SPICE1: variants seen among roughly 807,000 people sequenced by gnomAD.
SPICE1 encodes spindle and centriole-associated protein 1.
SPICE1 carries 75 observed loss-of-function variants against 102.7 expected under a neutral mutation model. The ratio of observed to expected loss-of-function variants is 0.73; its 90% CI spans 0.61 to 0.88. The LOEUF is 0.88. Ranked by LOEUF, SPICE1 falls within the 40% of genes least tolerant of loss-of-function variation. The pLI, the probability that SPICE1 is intolerant of heterozygous loss-of-function variation, is 0.00. For missense variants in SPICE1, 979 were observed against 1,020.1 expected (o/e 0.96, Z 0.55); for synonymous variants, 308 against 350.3 (o/e 0.88, Z 1.35).
intron 7 of SPICE1, among the ~76,000 whole-genome samples, chr3:113,484,776 C>T (rs558790546): frequency 1.3e-5 from 2 of 152,174 alleles, no homozygotes; most frequent in Admixed American, 6.5e-5. Context: ...TTTGCATTTG[C>T]TGAGGAGTGT....
chr3:113,445,563 C>T (rs1935493198), intron 17 of SPICE1, among the ~76,000 whole-genome samples: 1 of 152,174 alleles, frequency 6.6e-6, no homozygotes, highest in Non-Finnish European at 1.5e-5. Flanking sequence ...AACAGATCCT[C>T]TTACTGATTT....
intron 11 of SPICE1, among the ~76,000 whole-genome samples, chr3:113,463,929 G>A (rs1168771265): frequency 3.3e-5 from 5 of 152,246 alleles, no homozygotes; most frequent in East Asian, 1.9e-4. Flanking sequence ...TTAGCCAGGC[G>A]TAGTGGCAGG....
At position 113,488,986 on chromosome 3, in the gene SPICE1, C is replaced by T. The variant is rs1211235713; in HGVS notation, c.570G>A (p.Leu190=). The change falls in exon 7 of 18, where the codon TTG becomes TTA. Residue 190 remains leucine, a synonymous_variant. Coordinates refer to ENST00000295872, the MANE Select transcript of SPICE1 (RefSeq NM_144718.4). ...QSGESENENE[L]DNSLNSQSNT... is the part of the protein sequence containing the mutation. ...TAGACTGAGAGTTTAGAGAGTTATC[C>T]AACTCATTCTCATTCTCACTTTCTC... 1 of 1,613,060 alleles carries T rather than the reference C, an allele frequency of 6.2e-7. No homozygotes were observed. Among genetic ancestry groups the T allele is most frequent in the East Asian group, 2.2e-5 (1 of 44,846 alleles).
intron 13 of SPICE1, among the ~76,000 whole-genome samples, chr3:113,454,269 T>A (rs148838138): frequency 3.9e-5 from 6 of 152,246 alleles, no homozygotes; most frequent in African/African-American, 4.8e-5. Flanking sequence ...AGTACCCAAT[T>A]TAAACAGCAG....
At chr3:113,454,750 A>G (rs1446143202) in intron 13 of SPICE1, among the ~76,000 whole-genome samples, 1 of 152,078 alleles carries the variant, frequency 6.6e-6, no homozygotes, top group Non-Finnish European at 1.5e-5. Flanking sequence ...CATTTGTGTC[A>G]GAGCGCAAGT....
At chr3:113,485,570 A>T (rs1936628211) in intron 7 of SPICE1, among the ~76,000 whole-genome samples, 2 of 152,142 alleles carry the variant, frequency 1.3e-5, no homozygotes, top group Non-Finnish European at 2.9e-5. Context: ...AAAAAGCAGC[A>T]GCCCCAGTCA....
intron 7 of SPICE1, among the ~76,000 whole-genome samples, chr3:113,477,486 C>T (rs1282534878): frequency 2.7e-5 from 4 of 150,876 alleles, no homozygotes; most frequent in South Asian, 2.1e-4. Flanking sequence ...CACATGCACA[C>T]ATATGTTTAT....
rs762534932 is a variant in SPICE1, at chr3:113,468,400, T to C, written c.894A>G (p.Lys298=). The part of the protein sequence containing the change: ...RKQKQLLNKV[K]RKPNLHALSK... Reference sequence around the variant, plus strand: ...AAAGAGCATGCAAATTCGGTTTCCTTTTCACTGATAATGAGAGAAGTCATT... The same window carrying C: ...AAAGAGCATGCAAATTCGGTTTCCTCTTCACTGATAATGAGAGAAGTCATT... The change falls in exon 10 of 18, where the codon AAA becomes AAG. Residue 298 remains lysine (K), a synonymous_variant. Coordinates refer to ENST00000295872, the MANE Select transcript of SPICE1 (RefSeq NM_144718.4). The C allele has an allele frequency of 1.9e-6, 3 of 1,612,508 alleles. No individual in the cohort carries two copies. The South Asian group carries it at 3.3e-5, about 18-fold the overall frequency.
At chr3:113,468,022 TA>T in intron 10 of SPICE1, 116 bp downstream of exon 10, 1 of 1,361,560 alleles carries the variant, frequency 7.3e-7, no homozygotes, top group Non-Finnish European at 1.0e-6. Context: ...TGAGGTATTT[TA>T]AACGAAGCTA....
At chr3:113,469,361 T>A (rs1183897880) in intron 7 of SPICE1, 123 bp from the exon 8 acceptor site, 1 of 221,114 alleles carries the variant, frequency 4.5e-6, no homozygotes, top group African/African-American at 2.4e-5. Flanking sequence ...TTATAATTTA[T>A]ATTTATATAA....
chr3:113,469,110 C>G lies in SPICE1; in HGVS notation c.740G>C (p.Gly247Ala), dbSNP rs764240464. The change falls in exon 8 of 18, where the codon GGG becomes GCG. Residue 247 changes from glycine (G) to alanine (A), a missense_variant. Gly to Ala is a moderately conservative substitution (Grantham distance 60). Transcript: ENST00000295872. ...AAAGGGAAACAAACCTCTTTGCTCC[C>G]CTGATGAAAGAGCAGATGATGGCGT... is the stretch of plus-strand genomic sequence containing the variant. ...PGTPSSALSS[G>A]EQRAALNATN... 9 of 1,612,382 alleles carry G rather than the reference C, an allele frequency of 5.6e-6. No individual in the cohort carries two copies. Among genetic ancestry groups the G allele is most frequent in the Non-Finnish European group, 7.6e-6 (9 of 1,179,396 alleles).
At position 113,445,026 on chromosome 3, in the gene SPICE1, A is replaced by C. The variant is rs1018623281; in HGVS notation, c.*281T>G. On this transcript the variant is annotated 3_prime_UTR_variant, in exon 18 of 18. Coordinates refer to ENST00000295872, the MANE Select transcript of SPICE1 (RefSeq NM_144718.4). ...TAAAGATAAAGGTAAAAATGTATTA[A>C]TAAAAAAAACCCTTAAAATACTTAA... 4.3e-6 allele frequency: 1 copy of C among 234,544 alleles called. No homozygotes were observed. Among genetic ancestry groups the C allele is most frequent in the African/African-American group, 2.3e-5 (1 of 44,424 alleles). 14.5% of individuals were successfully genotyped at this position (234,544 alleles called of 1,614,324 possible). A position where few individuals can be genotyped will look rare whatever the true frequency, so the allele number is the denominator to read the frequency against.
intron 13 of SPICE1, 25 bp from the exon 14 acceptor site, chr3:113,453,975 C>T (rs1289878603): frequency 6.5e-7 from 1 of 1,542,132 alleles, no homozygotes; most frequent in Non-Finnish European, 8.7e-7. Flanking sequence ...TTAAAAATAA[C>T]AAATATGTAT....
intron 7 of SPICE1, among the ~76,000 whole-genome samples, chr3:113,488,186 T>C (rs1040673280): frequency 1.3e-5 from 2 of 152,208 alleles, no homozygotes; most frequent in African/African-American, 2.4e-5. Flanking sequence ...AATTTCCTGA[T>C]TGTGATCATT....
chr3:113,473,708 A>G (rs1268769899), intron 7 of SPICE1, among the ~76,000 whole-genome samples: 1 of 151,796 alleles, frequency 6.6e-6, no homozygotes, highest in African/African-American at 2.4e-5. Context: ...TGAAGGAGAA[A>G]TAAAATACTT....
chr3:113,499,560 T>C lies in SPICE1; in HGVS notation c.170A>G (p.Lys57Arg). 3.1e-6 allele frequency: 5 copies of C among 1,611,490 alleles called. No homozygotes were observed. Among genetic ancestry groups the C allele is most frequent in the Non-Finnish European group, 4.2e-6 (5 of 1,179,282 alleles). Residue 57 changes from lysine to arginine, a missense_variant, in exon 4 of 18, where the codon AAA becomes AGA. By Grantham distance (26) the Lys-to-Arg change is conservative. Transcript: ENST00000295872. ...EDLVRRHEIH[K>R]SKNRALVHWE... Reference sequence around the variant, plus strand: ...GTGTACTAATGCTCTATTCTTCGATTTGTGTATTTCATGACGGCGTACCTA... The same window carrying C: ...GTGTACTAATGCTCTATTCTTCGATCTGTGTATTTCATGACGGCGTACCTA...
At chr3:113,463,781 C>T (rs992588891) in intron 11 of SPICE1, among the ~76,000 whole-genome samples, 4 of 152,178 alleles carry the variant, frequency 2.6e-5, no homozygotes, top group Non-Finnish European at 2.9e-5. Context: ...CTAAAGGGTA[C>T]AGGATGGCCT....
chr3:113,457,382 T>A, intron 12 of SPICE1, 25 bp from the exon 13 acceptor site: 1 of 1,607,968 alleles, frequency 6.2e-7, no homozygotes, highest in African/African-American at 1.3e-5. Flanking sequence ...AGGATATTAG[T>A]ACAATAGGAA....
chr3:113,475,742 T>C (rs1403811639), intron 7 of SPICE1, among the ~76,000 whole-genome samples: 2 of 152,232 alleles, frequency 1.3e-5, no homozygotes, highest in Non-Finnish European at 2.9e-5. Flanking sequence ...CAATGCTTCA[T>C]GCTAAAAACT....
Sources: gnomAD v4.1 joint callset for allele counts (sites outside exome capture counted in the v4.1 genomes callset) on GRCh38, gnomAD v4.1.1 for gene constraint, MANE v1.5 for transcripts, NCBI Gene and HGNC (gene_info 2026-07-23, HGNC 2026-07-21) for gene names.